The following PRDM4 variants were observed in gnomAD, a reference collection of about 807,000 sequenced individuals.
PRDM4 encodes the protein PR/SET domain 4.
In PRDM4, 38 loss-of-function variants were observed where a neutral mutation model predicts 62.3. The observed-to-expected ratio is 0.61, with a 90% CI of 0.47 to 0.80. The LOEUF (loss-of-function observed/expected upper bound fraction) is 0.80. PRDM4 is among the 30% of genes least tolerant of loss of function. The pLI is 0.00. For missense variants in PRDM4, 858 were observed against 997.1 expected (o/e 0.86, Z 1.88); for synonymous variants, 339 against 348.2 (o/e 0.97, Z 0.30).
In PRDM4 at chr12:107,760,607, T is replaced by G. The variant is rs1293243718; in HGVS notation, c.-92A>C. ...TTCCAGGGTCACGTGCTACCACATC[T>G]TGCTCACAACCGCTGCACCGACGCG... On this transcript the variant is annotated 5_prime_UTR_variant, in exon 2 of 12. Transcript: ENST00000228437. 5 of 1,519,840 alleles carry G rather than the reference T, an allele frequency of 3.3e-6. No individual in the cohort carries two copies. In the African/African-American group the frequency reaches 6.9e-5, roughly 21 times the overall value. 94.1% of individuals were successfully genotyped at this position (1,519,840 alleles called of 1,614,324 possible). A position where few individuals can be genotyped will look rare whatever the true frequency, so the allele number is the denominator to read the frequency against.
At chr12:107,742,610 T>C (rs1235490665) in intron 8 of PRDM4, 3 of 432,068 alleles carry the variant, frequency 6.9e-6, no homozygotes, top group Admixed American at 4.2e-5. Context: ...ATAAATAAAA[T>C]GAAGTCTTTA....
chr12:107,745,131 GC>G (rs11288863), intron 6 of PRDM4, among the ~76,000 whole-genome samples: 152,337 of 152,338 alleles, frequency 1, 76,168 homozygotes, highest in Non-Finnish European at 1. Flanking sequence ...GTGGGTCCTA[GC>G]CCTGTAAATA....
chr12:107,745,633 TAAAG>T (rs1890676773), intron 6 of PRDM4, among the ~76,000 whole-genome samples: 1 of 152,220 alleles, frequency 6.6e-6, no homozygotes, highest in Admixed American at 6.5e-5. Context: ...TGTAAAAATA[TAAAG>T]CAATTACTAT....
chr12:107,744,393 A>G, intron 7 of PRDM4, 150 bp downstream of exon 7: 1 of 887,204 alleles, frequency 1.1e-6, no homozygotes, highest in Non-Finnish European at 1.7e-6. Flanking sequence ...TGATGAATGT[A>G]ACATTTAAAA....
chr12:107,736,291 C>T (rs1402736384), intron 11 of PRDM4, among the ~76,000 whole-genome samples: 1 of 152,138 alleles, frequency 6.6e-6, no homozygotes, highest in Non-Finnish European at 1.5e-5. Flanking sequence ...CGAAAACACA[C>T]GAAGCCAGGT....
intron 2 of PRDM4, among the ~76,000 whole-genome samples, chr12:107,758,567 G>A (rs1016804356): frequency 2.0e-5 from 3 of 152,048 alleles, no homozygotes; most frequent in African/African-American, 4.8e-5. Context: ...AAGGAGAGCT[G>A]GGATTTAAAT....
intron 3 of PRDM4, among the ~76,000 whole-genome samples, chr12:107,754,335 T>TTAGA (rs1890996387): frequency 6.6e-6 from 1 of 152,212 alleles, no homozygotes; most frequent in African/African-American, 2.4e-5. Context: ...GGCAAGTTGA[T>TTAGA]ACTCCAATTG....
chr12:107,742,349 C>T lies in PRDM4; in HGVS notation c.1482-1G>A. On this transcript the variant is annotated splice_acceptor_variant, in intron 8 of 11. Transcript: ENST00000228437. LOFTEE classifies it high-confidence loss of function. ...CACCAAATTCTGCTCTTCCCGGTTC[C>T]TGAGTTATCACATTTAATAGATCAA... 1.2e-6 allele frequency: 2 copies of T among 1,613,526 alleles called. No homozygotes were observed. Among genetic ancestry groups the T allele is most frequent in the Non-Finnish European group, 1.7e-6 (2 of 1,179,662 alleles).
chr12:107,738,589 T>C (rs1237379213), intron 11 of PRDM4: 1 of 151,174 alleles, frequency 6.6e-6, no homozygotes. Context: ...CCATCTCTTC[T>C]TTCTATGACC....
chr12:107,741,084 G>A lies in PRDM4; in HGVS notation c.1786C>T (p.Pro596Ser). The change falls in exon 10 of 12, where the codon CCC becomes TCC. Residue 596 changes from proline (P) to serine (S), a missense_variant. Pro to Ser is a moderately conservative substitution (Grantham distance 74, BLOSUM62 -1). Around this residue, in one of 3 missense-constraint regions of PRDM4, gnomAD observed 355 missense variants for 432.6 expected, o/e 0.82. Coordinates refer to ENST00000228437, the MANE Select transcript of PRDM4 (RefSeq NM_012406.4). ...KERKWKCSMC[P>S]QAFISPSKLH... ...TTGGAAGGAGAGATAAAAGCTTGGG[G>A]GCACATTGAGCACTTCCACTTCCTT... 6.2e-7 allele frequency: 1 copy of A among 1,614,110 alleles called. No individual in the cohort carries two copies. Among genetic ancestry groups the A allele is most frequent in the South Asian group, 1.1e-5 (1 of 91,074 alleles).
At chr12:107,742,433 T>C in intron 8 of PRDM4, 85 bp from the exon 9 acceptor site, 1 of 1,452,426 alleles carries the variant, frequency 6.9e-7, no homozygotes. Flanking sequence ...AAATCCTATA[T>C]GAAAGCTTAG....
intron 5 of PRDM4, among the ~76,000 whole-genome samples, chr12:107,747,474 T>C (rs547776943): frequency 1.0e-3 from 155 of 152,204 alleles, no homozygotes; most frequent in Middle Eastern, 3.2e-3. Flanking sequence ...TGCAGCCTGC[T>C]CTTTCAAAGG....
intron 4 of PRDM4, 146 bp from the exon 5 acceptor site, chr12:107,752,355 A>G: frequency 1.5e-6 from 1 of 675,582 alleles, no homozygotes; most frequent in African/African-American, 1.8e-5. Context: ...TATTTTATAA[A>G]TAGCAACATA....
At chr12:107,749,100 G>T (rs896623276) in intron 5 of PRDM4, among the ~76,000 whole-genome samples, 5 of 152,012 alleles carry the variant, frequency 3.3e-5, no homozygotes, top group Non-Finnish European at 7.4e-5. Flanking sequence ...CTCCTCTTCT[G>T]CTATATCTTG....
At chr12:107,760,447 C>G in intron 2 of PRDM4, 58 bp downstream of exon 2, 5 of 1,608,198 alleles carry the variant, frequency 3.1e-6, no homozygotes, top group Non-Finnish European at 3.4e-6. Context: ...ACCCTGGACA[C>G]TCACTCGCCA....
chr12:107,755,038 A>C (rs1891018785), intron 3 of PRDM4, among the ~76,000 whole-genome samples: 1 of 152,220 alleles, frequency 6.6e-6, no homozygotes, highest in Non-Finnish European at 1.5e-5. Context: ...TATCATAATA[A>C]ATACCCACCA....
chr12:107,747,772 C>T (rs1420120714), intron 5 of PRDM4, among the ~76,000 whole-genome samples: 2 of 152,058 alleles, frequency 1.3e-5, no homozygotes, highest in African/African-American at 2.4e-5. Context: ...ATACATAAAC[C>T]TTAGAACCAC....
intron 9 of PRDM4, 87 bp downstream of exon 9, chr12:107,742,134 C>T: frequency 7.2e-7 from 1 of 1,395,694 alleles, no homozygotes. Flanking sequence ...TTTGCTTCAG[C>T]TAACATGTAA....
chr12:107,759,193 T>A (rs988035654), intron 2 of PRDM4, among the ~76,000 whole-genome samples: 2 of 152,086 alleles, frequency 1.3e-5, no homozygotes, highest in African/African-American at 4.8e-5. Context: ...AGGTCGGGGC[T>A]ACAGTGAGCT....
Sources: gnomAD v4.1 joint callset for allele counts (sites outside exome capture counted in the v4.1 genomes callset) on GRCh38, gnomAD v4.1.1 for gene constraint, gnomAD v4.1.1 regional missense constraint, MANE v1.5 for transcripts, NCBI Gene and HGNC (gene_info 2026-07-23, HGNC 2026-07-21) for gene names.